The following FOLR2 variants were observed in gnomAD, a reference collection of about 807,000 sequenced individuals.
FOLR2 encodes the protein folate receptor 2 (fetal).
Under a neutral mutation model 20.4 loss-of-function variants are expected in FOLR2, and 14 were observed. The ratio of observed to expected loss-of-function variants is 0.68; its 90% CI spans 0.45 to 1.07. The LOEUF is 1.07. Ranked by LOEUF, FOLR2 falls within the 50% of genes least tolerant of loss-of-function variation. FOLR2 has a pLI of 0.00. For synonymous variants in FOLR2, 114 were observed against 114.3 expected, an observed-to-expected ratio of 1.00 and a Z score of 0.02; for missense variants, 269 against 322.6, an observed-to-expected ratio of 0.83 and a Z score of 1.27.
At chr11:72,217,768 T>C (rs958080332) in intron 1 of FOLR2, among the ~76,000 whole-genome samples, 1 of 152,202 alleles carries the variant, frequency 6.6e-6, no homozygotes, top group Non-Finnish European at 1.5e-5. Flanking sequence ...TTCTGAATTT[T>C]AGTGCACCAG....
rs939099642 is a variant in FOLR2, at chr11:72,217,211, G to A, written c.-25+286G>A. The A allele has an allele frequency of 4.4e-4, 224 of 508,056 alleles. 3 individuals are homozygous for A. Among genetic ancestry groups the A allele is most frequent in the South Asian group, 3.9e-3 (216 of 55,010 alleles). 31.5% of individuals were successfully genotyped at this position (508,056 alleles called of 1,614,324 possible). A position where few individuals can be genotyped will look rare whatever the true frequency, so the allele number is the denominator to read the frequency against. ...GGCTAATTTTTGTATTTTTAGTAGA[G>A]ACGGGGTTTCATCATGTTGGTCAGG... On this transcript the variant is annotated intron_variant, in intron 1 of 4. Transcript: ENST00000298223.
Position 72,221,654 on chromosome 11 carries a change from G to A in FOLR2, c.660G>A (p.Ala220=), listed in dbSNP as rs1803567. 43 of 1,614,076 alleles carry A rather than the reference G, an allele frequency of 2.7e-5. No individual in the cohort carries two copies. Among genetic ancestry groups the A allele is most frequent in the East Asian group, 2.5e-4 (11 of 44,894 alleles). Residue 220 remains alanine (A), a synonymous_variant, in exon 5 of 5, where the codon GCG becomes GCA. Coordinates refer to ENST00000298223, the MANE Select transcript of FOLR2 (RefSeq NM_000803.5). The part of the protein sequence containing the change: ...SAQGNPNEEV[A]RFYAAAMHVN... ...AGGGCAACCCCAACGAGGAAGTGGC[G>A]AGGTTCTATGCTGCAGCCATGCATG...
chr11:72,217,319 G>A (rs149204136), intron 1 of FOLR2: 38 of 1,261,282 alleles, frequency 3.0e-5, no homozygotes, highest in Admixed American at 1.8e-4. Context: ...CACTGTGCCC[G>A]GCCACATCTT....
Position 72,220,950 on chromosome 11 carries a change from C to A in FOLR2, c.231C>A (p.Asn77Lys), listed in dbSNP as rs761493583. The A allele has an allele frequency of 3.1e-6, 5 of 1,614,026 alleles. No individual in the cohort carries two copies. The highest frequency in any genetic ancestry group is 4.2e-6 in the Non-Finnish European group (5 of 1,179,894). Residue 77 changes from asparagine to lysine, a missense_variant, in exon 3 of 5, where the codon AAC (asparagine) becomes AAA (lysine). Coordinates refer to ENST00000298223, the MANE Select transcript of FOLR2 (RefSeq NM_000803.5). ...ACAAGGACACCTCCCGCCTGTACAA[C>A]TTTAACTGGGACCACTGCGGCAAGA... Reference protein sequence around the residue: ...ELHKDTSRLYNFNWDHCGKME... With the variant: ...ELHKDTSRLYKFNWDHCGKME...
In FOLR2 at chr11:72,221,270, C is replaced by T. The variant is rs540268912; in HGVS notation, c.434C>T (p.Thr145Met). 4.3e-5 allele frequency: 69 copies of T among 1,613,928 alleles called. No homozygotes were observed. The South Asian group carries it at 5.7e-4, about 13-fold the overall frequency. ...TGGGAGGATTGTCACACCTCCCACA[C>T]GTGCAAGAGCAACTGGCACAGAGGA... ...RWWEDCHTSH[T>M]CKSNWHRGWD... The change falls in exon 4 of 5, where the codon ACG becomes ATG. Residue 145 changes from threonine to methionine, a missense_variant. Physicochemically the swap from Thr to Met is moderately conservative, Grantham distance 81. Transcript: ENST00000298223.
At chr11:72,217,970 G>A (rs1413599506) in intron 1 of FOLR2, among the ~76,000 whole-genome samples, 2 of 152,104 alleles carry the variant, frequency 1.3e-5, no homozygotes, top group African/African-American at 2.4e-5. Context: ...GAATAGGGAA[G>A]GAAAAAGTCT....
chr11:72,216,817 C>G lies in FOLR2; in HGVS notation c.-133C>G. Reference sequence around the variant, plus strand: ...CCAGAGCGCGTTGTCTACCCTGTACCGAAGACAGAGGCTGTGGGGACAGCC... The same window carrying G: ...CCAGAGCGCGTTGTCTACCCTGTACGGAAGACAGAGGCTGTGGGGACAGCC... On this transcript the variant is annotated 5_prime_UTR_variant, in exon 1 of 5. Coordinates refer to ENST00000298223, the MANE Select transcript of FOLR2 (RefSeq NM_000803.5). 7.0e-7 allele frequency: 1 copy of G among 1,438,216 alleles called. No individual in the cohort carries two copies. The highest frequency in any genetic ancestry group is 9.7e-7 in the Non-Finnish European group (1 of 1,035,452). The allele number at this position is 1,438,216 out of a possible 1,614,324, so 89.1% of individuals were successfully genotyped here.
Position 72,221,614 on chromosome 11 carries a change from G to A in FOLR2, c.620G>A (p.Trp207Ter), listed in dbSNP as rs143579659. 3.5e-5 allele frequency: 56 copies of A among 1,614,192 alleles called. No individual in the cohort carries two copies. Among genetic ancestry groups the A allele is most frequent in the Non-Finnish European group, 4.7e-5 (55 of 1,180,038 alleles). The change falls in exon 5 of 5, where the codon TGG becomes TAG. Residue 207 changes from tryptophan (W) to a stop codon, truncating the protein, a stop_gained. Coordinates refer to ENST00000298223, the MANE Select transcript of FOLR2 (RefSeq NM_000803.5). LOFTEE classifies it low-confidence loss of function (END_TRUNC). ...SRGSGRCIQM[W>*]FDSAQGNPNE... ...GGGAGCGGCCGCTGCATCCAGATGT[G>A]GTTTGATTCAGCCCAGGGCAACCCC...
chr11:72,221,907 C>A lies in FOLR2; in HGVS notation c.*145C>A, dbSNP rs1948503522. ...AGTCTGTTGCTGCTCCATGGTGGGG[C>A]CAAGAGTCACTTCTAATAAACAGAC... On this transcript the variant is annotated 3_prime_UTR_variant, in exon 5 of 5. Transcript: ENST00000298223. 4.0e-5 allele frequency: 28 copies of A among 694,578 alleles called. 1 individual carries two copies. In the South Asian group the frequency reaches 5.3e-4, roughly 13 times the overall value. The allele number at this position is 694,578 out of a possible 1,614,324, so 43.0% of individuals were successfully genotyped here.
At chr11:72,218,297 G>A (rs962299088) in intron 1 of FOLR2, among the ~76,000 whole-genome samples, 13 of 152,218 alleles carry the variant, frequency 8.5e-5, no homozygotes, top group African/African-American at 1.9e-4. Context: ...AGGTGAGGGC[G>A]CAAAGTATCT....
chr11:72,217,511 C>T lies in FOLR2; in HGVS notation c.-25+586C>T. On this transcript the variant is annotated intron_variant, in intron 1 of 4. Transcript: ENST00000298223. The stretch of plus-strand genomic sequence containing the variant: ...TCTTTAGTGACAGAGCCCAAAGGAA[C>T]AGCTCTGTAATGGCTGGGGGTGGGG... 1.5e-5 allele frequency: 11 copies of T among 711,210 alleles called. No individual in the cohort carries two copies. In the South Asian group the frequency reaches 1.6e-4, roughly 11 times the overall value. 44.1% of individuals were successfully genotyped at this position (711,210 alleles called of 1,614,324 possible). A position where few individuals can be genotyped will look rare whatever the true frequency, so the allele number is the denominator to read the frequency against.
In FOLR2 at chr11:72,221,797, G is replaced by T; in HGVS notation, c.*35G>T. 6.3e-7 allele frequency: 1 copy of T among 1,595,070 alleles called. No individual in the cohort carries two copies. Among genetic ancestry groups the T allele is most frequent in the Non-Finnish European group, 8.6e-7 (1 of 1,168,144 alleles). On this transcript the variant is annotated 3_prime_UTR_variant, in exon 5 of 5. Transcript: ENST00000298223. ...TCCCAGACTACCTGCCCTCAGCTTG[G>T]ATAACCAGGCTGGGCTCAGCTCAGC...
chr11:72,220,831 G>A (rs770176593), intron 2 of FOLR2, 39 bp from the exon 3 acceptor site: 21 of 1,612,378 alleles, frequency 1.3e-5, no homozygotes, highest in Admixed American at 1.0e-4. Context: ...GAGGAGGAGG[G>A]TATGGGGAGG....
chr11:72,216,849 C>T lies in FOLR2; in HGVS notation c.-101C>T. The T allele has an allele frequency of 6.3e-7, 1 of 1,591,218 alleles. No individual in the cohort carries two copies. The highest frequency in any genetic ancestry group is 8.5e-7 in the Non-Finnish European group (1 of 1,172,544). On this transcript the variant is annotated 5_prime_UTR_variant, in exon 1 of 5. Coordinates refer to ENST00000298223, the MANE Select transcript of FOLR2 (RefSeq NM_000803.5). ...AGAGGCTGTGGGGACAGCCTAGGGGCCTGGATCTATTGCCTACTTAGAGAG... is the reference window on the plus strand; with the variant it reads ...AGAGGCTGTGGGGACAGCCTAGGGGTCTGGATCTATTGCCTACTTAGAGAG...
At chr11:72,219,221 T>C (rs890681837) in intron 2 of FOLR2, among the ~76,000 whole-genome samples, 1 of 151,888 alleles carries the variant, frequency 6.6e-6, no homozygotes, top group Non-Finnish European at 1.5e-5. Flanking sequence ...TTCCATGGAG[T>C]GCCAAGGGAG....
In FOLR2 at chr11:72,221,066, GTC is replaced by G. The variant is rs1591259125; in HGVS notation, c.339+11_339+12del. ...GGGCCCTGGATCCAGCAGGTAGGGT[GTC>G]TCCCCCCCACCCACCCCAGCAGACT... On this transcript the variant is annotated intron_variant, in intron 3 of 4. Transcript: ENST00000298223. The G allele has an allele frequency of 3.4e-5, 54 of 1,596,364 alleles. No individual in the cohort carries two copies. The highest frequency in any genetic ancestry group is 1.7e-4 in the Middle Eastern group (1 of 5,976).
chr11:72,218,372 G>C (rs747545792), intron 1 of FOLR2, among the ~76,000 whole-genome samples, 189 bp from the exon 2 acceptor site: 8 of 152,194 alleles, frequency 5.3e-5, no homozygotes, highest in Non-Finnish European at 1.0e-4. Context: ...AGCCTTTAAA[G>C]CCTGGGGGTG....
chr11:72,220,427 T>C (rs1805319145), intron 2 of FOLR2, among the ~76,000 whole-genome samples: 1 of 152,204 alleles, frequency 6.6e-6, no homozygotes, highest in South Asian at 2.1e-4. Flanking sequence ...CATATATATA[T>C]ATTTTTTAAG....
At position 72,221,513 on chromosome 11, in the gene FOLR2, G is replaced by A. The variant is rs1948493604; in HGVS notation, c.519G>A (p.Glu173=). 1 of 1,613,960 alleles carries A rather than the reference G, an allele frequency of 6.2e-7. No individual in the cohort carries two copies. ...CPAGALCRTF[E]SYFPTPAALC... Reference sequence around the variant, plus strand: ...CTGGGGCTCTCTGCCGCACCTTTGAGTCCTACTTCCCCACTCCAGCTGCCC... The same window carrying A: ...CTGGGGCTCTCTGCCGCACCTTTGAATCCTACTTCCCCACTCCAGCTGCCC... Residue 173 remains glutamate (E), a synonymous_variant, in exon 5 of 5, where the codon GAG becomes GAA. Coordinates refer to ENST00000298223, the MANE Select transcript of FOLR2 (RefSeq NM_000803.5).
Sources: gnomAD v4.1 joint callset for allele counts (sites outside exome capture counted in the v4.1 genomes callset) on GRCh38, gnomAD v4.1.1 for gene constraint, MANE v1.5 for transcripts, NCBI Gene and HGNC (gene_info 2026-07-23, HGNC 2026-07-21) for gene names.